TOP6BL: variants seen among roughly 807,000 people sequenced by gnomAD.
TOP6BL encodes TOP6B like initiator of meiotic double strand breaks, also known as type 2 DNA topoisomerase 6 subunit B-like.
At chr11:66,814,156 G>A in the TOP6BL span, 2 of 894,198 alleles carry the variant, frequency 2.2e-6, no homozygotes, top group East Asian at 2.7e-5. Flanking sequence ...GTCAGGGTCT[G>A]GCCAAATGTG....
At chr11:66,834,110 C>T in the TOP6BL span, among the ~76,000 whole-genome samples, 1 of 152,164 alleles carries the variant, frequency 6.6e-6, no homozygotes, top group Admixed American at 6.5e-5. Flanking sequence ...CTTACTGAAT[C>T]CCTAATCTGT....
chr11:66,774,174 A>C, the TOP6BL span, among the ~76,000 whole-genome samples: 1 of 152,132 alleles, frequency 6.6e-6, no homozygotes, highest in Non-Finnish European at 1.5e-5. Flanking sequence ...TAAGTTAGGA[A>C]TCTAATTTAA....
chr11:66,753,277 A>G, the TOP6BL span, among the ~76,000 whole-genome samples: 1 of 152,130 alleles, frequency 6.6e-6, no homozygotes, highest in Non-Finnish European at 1.5e-5. Flanking sequence ...ATCCTTCTCT[A>G]AGTCCTCTAA....
chr11:66,792,438 A>G, the TOP6BL span, among the ~76,000 whole-genome samples: 1 of 152,354 alleles, frequency 6.6e-6, no homozygotes, highest in African/African-American at 2.4e-5. Flanking sequence ...GTAGCCATAC[A>G]TAAGCATTGC....
At chr11:66,826,125 G>T in the TOP6BL span, among the ~76,000 whole-genome samples, 2 of 152,098 alleles carry the variant, frequency 1.3e-5, no homozygotes, top group Non-Finnish European at 2.9e-5. Flanking sequence ...TTACAGGCAT[G>T]AGCCACCACG....
At chr11:66,762,239 C>T in the TOP6BL span, 4 of 572,504 alleles carry the variant, frequency 7.0e-6, no homozygotes, top group Admixed American at 2.8e-5. Flanking sequence ...GCAGGGGGCC[C>T]GGCCGCAGAA....
At chr11:66,797,730 CCT>C in the TOP6BL span, among the ~76,000 whole-genome samples, 1 of 152,282 alleles carries the variant, frequency 6.6e-6, no homozygotes, top group East Asian at 1.9e-4. Context: ...ATCTTGAACT[CCT>C]AGCCTCAAGT....
At chr11:66,768,087 C>A in the TOP6BL span, among the ~76,000 whole-genome samples, 1 of 152,088 alleles carries the variant, frequency 6.6e-6, no homozygotes, top group African/African-American at 2.4e-5. Flanking sequence ...CCTTCATGCC[C>A]AGCCTGTTTA....
chr11:66,780,292 C>A, the TOP6BL span, among the ~76,000 whole-genome samples: 1 of 152,004 alleles, frequency 6.6e-6, no homozygotes, highest in Non-Finnish European at 1.5e-5. Context: ...AGCTAGCTGT[C>A]AAGAAAAATT....
chr11:66,775,690 T>C, the TOP6BL span, among the ~76,000 whole-genome samples: 2 of 152,222 alleles, frequency 1.3e-5, no homozygotes, highest in Middle Eastern at 3.2e-3. Context: ...CTGCAACCTC[T>C]TAACTGGCTT....
chr11:66,827,138 C>T, the TOP6BL span, among the ~76,000 whole-genome samples: 2 of 152,122 alleles, frequency 1.3e-5, no homozygotes, highest in South Asian at 2.1e-4. Context: ...TGTGCCACCA[C>T]GCCTGACTAA....
At chr11:66,754,043 C>G in the TOP6BL span, among the ~76,000 whole-genome samples, 1 of 152,194 alleles carries the variant, frequency 6.6e-6, no homozygotes, top group African/African-American at 2.4e-5. Flanking sequence ...CCTGCAGTTG[C>G]AAGGAAGACT....
the TOP6BL span, chr11:66,842,719 A>T: frequency 1.1e-6 from 1 of 935,506 alleles, no homozygotes; most frequent in South Asian, 1.8e-5. Flanking sequence ...TTTGGTGTGG[A>T]TGGGACCTGC....
chr11:66,838,430 C>T, the TOP6BL span: 8 of 1,613,776 alleles, frequency 5.0e-6, no homozygotes, highest in South Asian at 7.7e-5. Flanking sequence ...TAACAGCAGC[C>T]TGGAGCTCCT....
chr11:66,767,862 C>CTCAT, the TOP6BL span, among the ~76,000 whole-genome samples: 2 of 152,306 alleles, frequency 1.3e-5, no homozygotes, highest in Non-Finnish European at 2.9e-5. Flanking sequence ...ATGACCACAG[C>CTCAT]TCATTGCAGC....
At chr11:66,804,009 G>A in the TOP6BL span, 1 of 1,601,344 alleles carries the variant, frequency 6.2e-7, no homozygotes, top group Admixed American at 1.7e-5. Flanking sequence ...CCAAATTTTG[G>A]TACAATTGAA....
the TOP6BL span, among the ~76,000 whole-genome samples, chr11:66,817,179 TA>T: frequency 6.6e-6 from 1 of 152,142 alleles, no homozygotes; most frequent in Admixed American, 6.6e-5. Context: ...TAAAATAAAA[TA>T]AAATCACTTC....
the TOP6BL span, among the ~76,000 whole-genome samples, chr11:66,774,523 G>A: frequency 6.6e-6 from 1 of 151,848 alleles, no homozygotes; most frequent in Non-Finnish European, 1.5e-5. Flanking sequence ...GCACAATCTC[G>A]GCTCACTGCA....
At chr11:66,780,755 G>T in the TOP6BL span, among the ~76,000 whole-genome samples, 4 of 151,602 alleles carry the variant, frequency 2.6e-5, no homozygotes, top group Admixed American at 6.6e-5. Flanking sequence ...CTAATTTTTT[G>T]ATTTTTAGTA....
Sources: allele counts gnomAD v4.1 joint callset (sites outside exome capture counted in the v4.1 genomes callset), GRCh38; gene constraint gnomAD v4.1.1; transcripts MANE v1.5; gene names NCBI Gene and HGNC (gene_info 2026-07-23, HGNC 2026-07-21).